The following PEX7 variants were observed in gnomAD, a reference collection of about 807,000 sequenced individuals.
PEX7 encodes the protein peroxisomal biogenesis factor 7.
A neutral mutation model predicts 47.5 loss-of-function variants in PEX7; 34 were observed. That is an observed-to-expected ratio of 0.72 (90% CI 0.54 to 0.95). The LOEUF is 0.95. PEX7 is among the 40% of genes least tolerant of loss of function. PEX7 has a pLI of 0.00. For missense variants in PEX7, 394 were observed against 400.3 expected, an observed-to-expected ratio of 0.98 and a Z score of 0.13; for synonymous variants, 141 against 148.8, an observed-to-expected ratio of 0.95 and a Z score of 0.38.
At chr6:136,855,732 A>C in intron 5 of PEX7, 1 of 398,772 alleles carries the variant, frequency 2.5e-6, no homozygotes, top group South Asian at 2.1e-5. Flanking sequence ...TGACCATGAC[A>C]AACACCCAGT....
At chr6:136,837,310 C>T (rs764257528) in intron 3 of PEX7, among the ~76,000 whole-genome samples, 2 of 131,112 alleles carry the variant, frequency 1.5e-5, no homozygotes, top group Non-Finnish European at 3.1e-5. Flanking sequence ...TGCAGTGCGC[C>T]AAGATCGCGC....
At chr6:136,872,902 G>GA (rs1251445805) in intron 8 of PEX7, among the ~76,000 whole-genome samples, 2 of 151,934 alleles carry the variant, frequency 1.3e-5, no homozygotes, top group African/African-American at 2.4e-5. Flanking sequence ...CCATACCTTT[G>GA]AAAAAAACAA....
intron 9 of PEX7, among the ~76,000 whole-genome samples, chr6:136,907,044 C>T (rs1033547696): frequency 1.7e-4 from 26 of 152,008 alleles, no homozygotes; most frequent in African/African-American, 6.0e-4. Context: ...TTGTCATATC[C>T]ATGTTTTTAC....
At chr6:136,911,893 A>G (rs2115297578) in intron 9 of PEX7, among the ~76,000 whole-genome samples, 1 of 152,182 alleles carries the variant, frequency 6.6e-6, no homozygotes, top group East Asian at 1.9e-4. Flanking sequence ...GTGGTACCAT[A>G]TACCTTCCCT....
In PEX7 at chr6:136,824,529, A is replaced by G. The variant is rs545093912; in HGVS notation, c.131-685A>G. Among the ~76,000 whole-genome samples, 7 of 152,308 alleles carry G rather than the reference A, an allele frequency of 4.6e-5. No individual in the cohort carries two copies. The East Asian group carries it at 1.3e-3, about 29-fold the overall frequency. On this transcript the variant is annotated intron_variant, in intron 1 of 9. Coordinates refer to ENST00000318471, the MANE Select transcript of PEX7 (RefSeq NM_000288.4). ...GTAATGCTACTTAAAATCTTATGCA[A>G]AAACTCTTTAAAGGGAATTGGTATT...
chr6:136,837,641 C>T (rs1172415206), intron 3 of PEX7, among the ~76,000 whole-genome samples: 1 of 151,968 alleles, frequency 6.6e-6, no homozygotes, highest in African/African-American at 2.4e-5. Context: ...GTCATTTATT[C>T]CAGAGCTGAG....
chr6:136,828,969 G>A (rs181629282), intron 3 of PEX7, among the ~76,000 whole-genome samples: 16 of 152,222 alleles, frequency 1.1e-4, no homozygotes, highest in African/African-American at 2.2e-4. Context: ...TTTGTTTTGC[G>A]TACTGCTATT....
chr6:136,822,854 G>A, intron 1 of PEX7, 59 bp downstream of exon 1: 1 of 978,804 alleles, frequency 1.0e-6, no homozygotes, highest in African/African-American at 1.8e-5. Context: ...GGGCCAGCCG[G>A]GCTCCAGTTC....
chr6:136,875,691 C>T (rs946098250), intron 8 of PEX7, among the ~76,000 whole-genome samples: 7 of 152,120 alleles, frequency 4.6e-5, no homozygotes, highest in African/African-American at 1.7e-4. Context: ...TTGTTTAGGC[C>T]TTCTGTATCC....
intron 5 of PEX7, among the ~76,000 whole-genome samples, chr6:136,854,825 A>C (rs1375992807): frequency 6.6e-6 from 1 of 152,218 alleles, no homozygotes; most frequent in African/African-American, 2.4e-5. Context: ...GGTGGCTCAC[A>C]TCTGTAATCC....
chr6:136,892,058 T>C (rs1253692483), intron 8 of PEX7, among the ~76,000 whole-genome samples: 1 of 152,164 alleles, frequency 6.6e-6, no homozygotes, highest in Non-Finnish European at 1.5e-5. Flanking sequence ...AGTTGAGTGA[T>C]ACATAAGTTA....
chr6:136,898,386 A>C, intron 9 of PEX7, 145 bp downstream of exon 9: 1 of 676,362 alleles, frequency 1.5e-6, no homozygotes, highest in Non-Finnish European at 2.7e-6. Context: ...AGGGAATAAG[A>C]GGTATCAAGA....
intron 8 of PEX7, among the ~76,000 whole-genome samples, chr6:136,890,362 AG>A (rs1396530933): frequency 6.6e-6 from 1 of 152,234 alleles, no homozygotes; most frequent in African/African-American, 2.4e-5. Context: ...CAGAGCCCAA[AG>A]GCAGAAGCAC....
At chr6:136,905,338 T>G (rs543928273) in intron 9 of PEX7, among the ~76,000 whole-genome samples, 1 of 152,228 alleles carries the variant, frequency 6.6e-6, no homozygotes, top group Non-Finnish European at 1.5e-5. Context: ...TCTATGGGGC[T>G]TACCCCACTG....
chr6:136,831,843 C>G (rs1774299099), intron 3 of PEX7, among the ~76,000 whole-genome samples: 1 of 152,248 alleles, frequency 6.6e-6, no homozygotes, highest in South Asian at 2.1e-4. Context: ...TTGGGCAGCT[C>G]TACCCTTGTA....
intron 5 of PEX7, among the ~76,000 whole-genome samples, chr6:136,854,905 C>T (rs534423463): frequency 6.6e-6 from 1 of 152,108 alleles, no homozygotes; most frequent in South Asian, 2.1e-4. Context: ...GGCCAACCAA[C>T]ATGGTGAAAC....
At chr6:136,896,591 T>G (rs1035244819) in intron 8 of PEX7, among the ~76,000 whole-genome samples, 1 of 152,150 alleles carries the variant, frequency 6.6e-6, no homozygotes, top group Non-Finnish European at 1.5e-5. Context: ...GCTAGAAAGC[T>G]TAGCATCTTG....
Position 136,822,660 on chromosome 6 carries a change from G to GGCGGGATGAGTGCGGTGT in PEX7, c.-1_17dup. 1.3e-6 allele frequency: 2 copies of GGCGGGATGAGTGCGGTGT among 1,526,616 alleles called. No homozygotes were observed. Among genetic ancestry groups the GGCGGGATGAGTGCGGTGT allele is most frequent in the East Asian group, 2.5e-5 (1 of 40,182 alleles). 94.6% of individuals were successfully genotyped at this position (1,526,616 alleles called of 1,614,324 possible). ...GGGGCAGCGAGGGCCGGGGGCGGCG[G>GGCGGGATGAGTGCGGTGT]GCGGGATGAGTGCGGTGTGCGGTGG... On this transcript the variant is annotated 5_prime_UTR_variant, in exon 1 of 10. In the 5' UTR this introduces an upstream ATG that the reference lacks. Transcript: ENST00000318471.
chr6:136,873,962 TA>T (rs1775224683), intron 8 of PEX7, among the ~76,000 whole-genome samples: 1 of 152,184 alleles, frequency 6.6e-6, no homozygotes. Context: ...ATTCCTGGAG[TA>T]AGTCTCTCAC....
Sources: gnomAD v4.1 joint callset for allele counts (sites outside exome capture counted in the v4.1 genomes callset) on GRCh38, gnomAD v4.1.1 for gene constraint, MANE v1.5 for transcripts, NCBI Gene and HGNC (gene_info 2026-07-23, HGNC 2026-07-21) for gene names.